Variants in HECW1 observed in about 807,000 individuals in gnomAD.
The protein encoded by HECW1 is HECT, C2 and WW domain containing E3 ubiquitin protein ligase 1.
In HECW1, 61 loss-of-function variants were observed where a neutral mutation model predicts 182.3. The observed-to-expected ratio is 0.33, with a 90% CI of 0.27 to 0.41. HECW1 has a LOEUF of 0.41. HECW1 is among the 10% of genes least tolerant of loss of function. The probability of loss-of-function intolerance (pLI) is 1.00; values close to 1 mark genes in which losing one functional copy is unlikely to be tolerated. For synonymous variants in HECW1, 859 were observed against 832.6 expected, an observed-to-expected ratio of 1.03 and a Z score of -0.55; for missense variants, 1,739 against 2,108.9, an observed-to-expected ratio of 0.82 and a Z score of 3.44.
chr7:43,494,934 C>A (rs951217465), intron 19 of HECW1, among the ~76,000 whole-genome samples: 1 of 152,160 alleles, frequency 6.6e-6, no homozygotes, highest in Non-Finnish European at 1.5e-5. Flanking sequence ...AGGCTGCGTA[C>A]TCTCCTGCCT....
chr7:43,438,213 G>A lies in HECW1; in HGVS notation c.944+68G>A, dbSNP rs901148320. The stretch of plus-strand genomic sequence containing the variant: ...AACAGGTCGTGCCCAAAGGTGGCCT[G>A]TAGGCTGCAATAGTATAGTCTCACA... On this transcript the variant is annotated intron_variant, in intron 9 of 29. Transcript: ENST00000395891. 5 of 1,394,592 alleles carry A rather than the reference G, an allele frequency of 3.6e-6. No individual in the cohort carries two copies. The Admixed American group carries it at 7.3e-5, about 20-fold the overall frequency. The allele number at this position is 1,394,592 out of a possible 1,614,324, so 86.4% of individuals were successfully genotyped here.
intron 26 of HECW1, among the ~76,000 whole-genome samples, chr7:43,543,208 G>A (rs910917119): frequency 3.3e-5 from 5 of 152,204 alleles, no homozygotes; most frequent in African/African-American, 4.8e-5. Context: ...AAGGTAATTC[G>A]TAACAGCGGT....
chr7:43,246,140 T>TA (rs200748119), intron 3 of HECW1, among the ~76,000 whole-genome samples: 5,920 of 144,194 alleles, frequency 0.041, 199 homozygotes, highest in African/African-American at 0.087. Flanking sequence ...CTATGAAAAA[T>TA]AAAAAAAAAA....
intron 24 of HECW1, chr7:43,522,948 C>G (rs1424347756): frequency 2.8e-6 from 1 of 354,938 alleles, no homozygotes; most frequent in African/African-American, 2.2e-5. Context: ...ATTGCTGGCA[C>G]TTCCGCCTAC....
intron 19 of HECW1, among the ~76,000 whole-genome samples, chr7:43,499,323 G>A (rs892298905): frequency 4.6e-5 from 7 of 152,010 alleles, no homozygotes; most frequent in Non-Finnish European, 1.0e-4. Flanking sequence ...CAAAAACCTA[G>A]CTGAGTGTGG....
intron 2 of HECW1, among the ~76,000 whole-genome samples, chr7:43,169,690 C>CTTTTT (rs374141328): frequency 1.3e-3 from 153 of 113,394 alleles, no homozygotes; most frequent in East Asian, 2.8e-3. Context: ...TTTTTCTTTT[C>CTTTTT]TTTTTTTTTT....
intron 5 of HECW1, among the ~76,000 whole-genome samples, chr7:43,355,229 C>T (rs1022483848): frequency 4.6e-5 from 7 of 152,014 alleles, no homozygotes; most frequent in South Asian, 4.1e-4. Context: ...AAAAAGGAAA[C>T]GTTTGAAGAT....
At chr7:43,126,067 C>CTTTTTTTTTTTTTTTTTTTT (rs71008891) in intron 2 of HECW1, among the ~76,000 whole-genome samples, 1 of 103,984 alleles carries the variant, frequency 9.6e-6, no homozygotes, top group African/African-American at 3.7e-5. Context: ...TTTGTTCTCA[C>CTTTTTTTTTTTTTTTTTTTT]TTTTTTTTTT....
intron 6 of HECW1, among the ~76,000 whole-genome samples, chr7:43,361,841 T>A (rs71217165): frequency 0.033 from 3,500 of 106,520 alleles, 63 homozygotes; most frequent in Middle Eastern, 0.062. Context: ...TTTTTTTTTT[T>A]ACATTAAAAA....
rs1384369697 is a variant in HECW1, at chr7:43,541,253, C to G, written c.4110C>G (p.Leu1370=). 4 of 1,612,914 alleles carry G rather than the reference C, an allele frequency of 2.5e-6. No homozygotes were observed. The highest frequency in any genetic ancestry group is 2.5e-6 in the Non-Finnish European group (3 of 1,178,858). Residue 1370 remains leucine, a synonymous_variant, in exon 25 of 30, where the codon CTC becomes CTG. Transcript: ENST00000395891. ...AFFTRPFYKA[L]LRLPCDLSDL... Reference sequence around the variant, plus strand: ...TCACGAGGCCCTTCTACAAGGCACTCCTGAGACTGTAAGTGCTTTGCAGAC... The same window carrying G: ...TCACGAGGCCCTTCTACAAGGCACTGCTGAGACTGTAAGTGCTTTGCAGAC...
At chr7:43,142,996 G>A (rs549012176) in intron 2 of HECW1, among the ~76,000 whole-genome samples, 1 of 152,152 alleles carries the variant, frequency 6.6e-6, no homozygotes, top group Non-Finnish European at 1.5e-5. Context: ...AGAGTGGTAG[G>A]CTGCCTATTT....
At chr7:43,357,710 T>A (rs1056101254) in intron 5 of HECW1, among the ~76,000 whole-genome samples, 3 of 151,668 alleles carry the variant, frequency 2.0e-5, no homozygotes, top group Admixed American at 6.6e-5. Context: ...AATATGTTTT[T>A]ATATATTTAT....
chr7:43,276,202 T>C lies in HECW1; in HGVS notation c.27+32270T>C, dbSNP rs576357719. Among the ~76,000 whole-genome samples the C allele has an allele frequency of 5.0e-4, 76 of 152,304 alleles. No homozygotes were observed. The South Asian group carries it at 0.014, about 29-fold the overall frequency. ...ACAACTATGCCAGGGACAGTTTATT[T>C]TGGATCAATCTAGCAGACTGACTCC... On this transcript the variant is annotated intron_variant, in intron 3 of 29. Coordinates refer to ENST00000395891, the MANE Select transcript of HECW1 (RefSeq NM_015052.5).
chr7:43,252,548 C>T (rs1458625056), intron 3 of HECW1, among the ~76,000 whole-genome samples: 2 of 152,250 alleles, frequency 1.3e-5, no homozygotes, highest in Non-Finnish European at 2.9e-5. Flanking sequence ...TGGCCCAAGC[C>T]ATGCAGAGGC....
At chr7:43,195,212 A>C (rs1442930285) in intron 2 of HECW1, among the ~76,000 whole-genome samples, 1 of 152,226 alleles carries the variant, frequency 6.6e-6, no homozygotes, top group Non-Finnish European at 1.5e-5. Flanking sequence ...AAAAAGAAAG[A>C]AGTGTTAATG....
In HECW1 at chr7:43,444,455, A is replaced by G. The variant is rs1562983207; in HGVS notation, c.1283A>G (p.Gln428Arg). Reference protein sequence around the residue: ...EAAVITEAGDQGMVSVGPEGA... With the variant: ...EAAVITEAGDRGMVSVGPEGA... ...GCAGTCATCACGGAGGCAGGAGACC[A>G]GGGCATGGTCTCTGTGGGACCTGAA... is the stretch of plus-strand genomic sequence containing the variant. Residue 428 changes from glutamine (Q) to arginine (R), a missense_variant, in exon 11 of 30, where the codon CAG (glutamine) becomes CGG (arginine). Transcript: ENST00000395891. This position sits in a 1 kb window ranked among gnomAD's most constrained non-coding sequence, Gnocchi z 4.3. 1.2e-6 allele frequency: 2 copies of G among 1,613,714 alleles called. No homozygotes were observed. The highest frequency in any genetic ancestry group is 1.1e-5 in the South Asian group (1 of 91,018).
chr7:43,194,193 C>G (rs1794206478), intron 2 of HECW1, among the ~76,000 whole-genome samples: 1 of 151,894 alleles, frequency 6.6e-6, no homozygotes, highest in Admixed American at 6.6e-5. Context: ...GTCCTCTTGG[C>G]CAAGAGGAGG....
intron 2 of HECW1, among the ~76,000 whole-genome samples, chr7:43,181,870 C>T (rs1424602597): frequency 6.6e-6 from 1 of 150,816 alleles, no homozygotes; most frequent in Admixed American, 6.6e-5. Context: ...TCACTGCAAG[C>T]TCCACCTCCT....
At chr7:43,417,787 C>A (rs1250837831) in intron 8 of HECW1, among the ~76,000 whole-genome samples, 1 of 152,156 alleles carries the variant, frequency 6.6e-6, no homozygotes, top group Non-Finnish European at 1.5e-5. Flanking sequence ...TGTTGCTTTC[C>A]TATCTGTCAG....
Sources: allele counts gnomAD v4.1 joint callset (sites outside exome capture counted in the v4.1 genomes callset), GRCh38; gene constraint gnomAD v4.1.1; non-coding constraint Gnocchi (gnomAD v3.1); transcripts MANE v1.5; gene names NCBI Gene and HGNC (gene_info 2026-07-23, HGNC 2026-07-21).